The following GRIP1 variants were observed in gnomAD, a reference collection of about 807,000 sequenced individuals.
GRIP1 encodes glutamate receptor interacting protein 1, also known as glutamate receptor-interacting protein 1.
A neutral mutation model predicts 129.9 loss-of-function variants in GRIP1; 45 were observed. That is an observed-to-expected ratio of 0.35 (90% CI 0.27 to 0.44). The LOEUF (loss-of-function observed/expected upper bound fraction) is 0.44. Ranked by LOEUF, GRIP1 falls within the 20% of genes least tolerant of loss-of-function variation. The pLI, the probability that GRIP1 is intolerant of heterozygous loss-of-function variation, is 1.00. For synonymous variants in GRIP1, 530 were observed against 520.8 expected, an observed-to-expected ratio of 1.02 and a Z score of -0.24; for missense variants, 1,196 against 1,396.8, an observed-to-expected ratio of 0.86 and a Z score of 2.29.
chr12:66,939,100 C>T (rs935282566), intron 1 of GRIP1, among the ~76,000 whole-genome samples: 25 of 152,124 alleles, frequency 1.6e-4, no homozygotes, highest in Admixed American at 1.3e-4. Context: ...AATTCATCTG[C>T]CCTATACTAG....
intron 24 of GRIP1, among the ~76,000 whole-genome samples, chr12:66,351,141 G>A (rs772202272): frequency 3.2e-4 from 49 of 152,318 alleles, no homozygotes; most frequent in Non-Finnish European, 6.0e-4. Context: ...ATCATCACCA[G>A]AATTGATTCC....
intron 16 of GRIP1, among the ~76,000 whole-genome samples, chr12:66,402,722 G>T (rs2057047633): frequency 6.6e-6 from 1 of 152,176 alleles, no homozygotes; most frequent in South Asian, 2.1e-4. Flanking sequence ...AATATACGCT[G>T]AATATTACCA....
At chr12:66,581,674 T>C (rs1317631763) in intron 2 of GRIP1, among the ~76,000 whole-genome samples, 2 of 151,942 alleles carry the variant, frequency 1.3e-5, no homozygotes, top group Non-Finnish European at 1.5e-5. Flanking sequence ...ATAAATTCCT[T>C]GATACATACA....
At chr12:67,000,715 G>A (rs1468264367) in intron 1 of GRIP1, among the ~76,000 whole-genome samples, 1 of 152,306 alleles carries the variant, frequency 6.6e-6, no homozygotes, top group East Asian at 1.9e-4. Context: ...AAACACTGTT[G>A]AAAGGAGCTG....
At chr12:66,702,896 T>G (rs1404836398) in intron 1 of GRIP1, among the ~76,000 whole-genome samples, 1 of 152,152 alleles carries the variant, frequency 6.6e-6, no homozygotes, top group Non-Finnish European at 1.5e-5. Flanking sequence ...CTTGTTAATT[T>G]TAAATAGTTT....
At chr12:66,364,980 G>A (rs1382215747) in intron 23 of GRIP1, among the ~76,000 whole-genome samples, 1 of 152,004 alleles carries the variant, frequency 6.6e-6, no homozygotes, top group Non-Finnish European at 1.5e-5. Context: ...AAAAATGACT[G>A]AGACTTGTCT....
chr12:67,002,334 C>A (rs1424809201), intron 1 of GRIP1, among the ~76,000 whole-genome samples: 1 of 152,168 alleles, frequency 6.6e-6, no homozygotes, highest in Non-Finnish European at 1.5e-5. Context: ...TGTTGAAATT[C>A]ACTGACCTAA....
Position 66,983,843 on chromosome 12 carries a change from G to T in GRIP1, c.58+85207C>A, listed in dbSNP as rs192720858. Among the ~76,000 whole-genome samples the T allele has an allele frequency of 3.0e-3, 463 of 152,056 alleles. 2 individuals carry two copies. The highest frequency in any genetic ancestry group is 0.01 in the African/African-American group (427 of 41,520). On this transcript the variant is annotated intron_variant, in intron 1 of 1. Transcript: ENST00000643019. ...GACTGAGGGTATACTTAATAGTGTTGCCCAGGAATTATCCTGGTGTCTGTT... is the reference window on the plus strand; with the variant it reads ...GACTGAGGGTATACTTAATAGTGTTTCCCAGGAATTATCCTGGTGTCTGTT...
At chr12:67,042,033 TG>T (rs2043188617) in intron 1 of GRIP1, among the ~76,000 whole-genome samples, 7 of 152,036 alleles carry the variant, frequency 4.6e-5, no homozygotes, top group African/African-American at 1.7e-4. Flanking sequence ...CCCTCATGAG[TG>T]AATTAATGCT....
chr12:66,825,684 GC>G (rs1164067732), intron 1 of GRIP1, among the ~76,000 whole-genome samples: 1 of 152,168 alleles, frequency 6.6e-6, no homozygotes, highest in Non-Finnish European at 1.5e-5. Context: ...ACAAATGTCA[GC>G]TTTTCCTCTG....
At chr12:66,471,374 C>T (rs1298503959) in intron 7 of GRIP1, among the ~76,000 whole-genome samples, 1 of 152,074 alleles carries the variant, frequency 6.6e-6, no homozygotes, top group Non-Finnish European at 1.5e-5. Context: ...TTAGTAGTTA[C>T]CAGGGTTGCT....
At chr12:67,010,497 G>A (rs996330017) in intron 1 of GRIP1, among the ~76,000 whole-genome samples, 2 of 152,040 alleles carry the variant, frequency 1.3e-5, no homozygotes, top group Non-Finnish European at 1.5e-5. Context: ...ACTATACTAC[G>A]AATTAACGAG....
chr12:66,772,752 T>C (rs545327520), intron 1 of GRIP1, among the ~76,000 whole-genome samples: 1 of 152,232 alleles, frequency 6.6e-6, no homozygotes, highest in East Asian at 1.9e-4. Flanking sequence ...CCTTAGGCTT[T>C]GGTGAGCACA....
At chr12:66,350,160 C>T (rs1203420856) in intron 24 of GRIP1, among the ~76,000 whole-genome samples, 20 of 152,084 alleles carry the variant, frequency 1.3e-4, no homozygotes, top group Admixed American at 1.0e-3. Context: ...TTTAACTGCT[C>T]GCTTTCAGTC....
chr12:67,069,018 C>CCCACCCGCCCCCG, intron 1 of GRIP1: 1 of 588,236 alleles, frequency 1.7e-6, no homozygotes, highest in African/African-American at 2.0e-5. Context: ...CGGACCCCTG[C>CCCACCCGCCCCCG]CCTCCCTCCC....
At chr12:66,719,778 A>C (rs542357276) in intron 1 of GRIP1, among the ~76,000 whole-genome samples, 1 of 152,304 alleles carries the variant, frequency 6.6e-6, no homozygotes, top group Non-Finnish European at 1.5e-5. Flanking sequence ...GCAGTGATGC[A>C]AGAATTAAAC....
chr12:66,710,046 C>T lies in GRIP1; in HGVS notation c.-419-79710G>A, dbSNP rs192889803. Among the ~76,000 whole-genome samples, 1,452 of 152,050 alleles carry T rather than the reference C, an allele frequency of 9.5e-3. 18 individuals are homozygous for T. Among genetic ancestry groups the T allele is most frequent in the Non-Finnish European group, 0.016 (1,096 of 67,910 alleles). On this transcript the variant is annotated intron_variant, in intron 1 of 4. Coordinates refer to the GRIP1 transcript ENST00000538373. ...ATACTATAAACCTGACCTTTCACTG[C>T]GGTGATCACCTGGCTGAGGCAATGG...
chr12:66,522,059 G>A (rs149880552), intron 5 of GRIP1, among the ~76,000 whole-genome samples: 2,833 of 152,326 alleles, frequency 0.019, 82 homozygotes, highest in African/African-American at 0.065. Flanking sequence ...GCCTCTGTAG[G>A]ATCCACCTCT....
intron 1 of GRIP1, among the ~76,000 whole-genome samples, chr12:66,854,102 A>C (rs985597382): frequency 3.9e-5 from 6 of 152,008 alleles, no homozygotes; most frequent in Non-Finnish European, 7.4e-5. Context: ...AAACACTAGG[A>C]ATATAAATAA....
Sources: allele counts gnomAD v4.1 joint callset (sites outside exome capture counted in the v4.1 genomes callset), GRCh38; gene constraint gnomAD v4.1.1; transcripts MANE v1.5; gene names NCBI Gene and HGNC (gene_info 2026-07-23, HGNC 2026-07-21).